DNAJC15: variants seen among roughly 807,000 people sequenced by gnomAD.
DNAJC15 encodes the protein dnaJ homolog subfamily C member 15.
A neutral mutation model predicts 22.4 loss-of-function variants in DNAJC15; 27 were observed. That is an observed-to-expected ratio of 1.20 (90% confidence interval 0.89 to 1.66). The LOEUF (loss-of-function observed/expected upper bound fraction) is 1.66, where lower values mean the gene tolerates loss of function less well. DNAJC15 is among the 40% of genes most tolerant of loss of function. The pLI, the probability that DNAJC15 is intolerant of heterozygous loss-of-function variation, is 0.00. For synonymous variants in DNAJC15, 79 were observed against 63.2 expected, an observed-to-expected ratio of 1.25 and a Z score of -1.19; for missense variants, 208 against 187.1, an observed-to-expected ratio of 1.11 and a Z score of -0.65.
intron 1 of DNAJC15, among the ~76,000 whole-genome samples, chr13:43,031,011 T>C (rs1468243430): frequency 6.6e-6 from 1 of 152,142 alleles, no homozygotes; most frequent in Non-Finnish European, 1.5e-5. Flanking sequence ...TGAGCTAAGT[T>C]AAAAAGATAA....
intron 1 of DNAJC15, among the ~76,000 whole-genome samples, chr13:43,053,700 A>G (rs1431234087): frequency 6.6e-6 from 1 of 151,906 alleles, no homozygotes; most frequent in Non-Finnish European, 1.5e-5. Context: ...TGAGTTCTTG[A>G]TTTGATTCTC....
chr13:43,081,978 G>T (rs146327482), intron 4 of DNAJC15, among the ~76,000 whole-genome samples: 1 of 151,972 alleles, frequency 6.6e-6, no homozygotes, highest in African/African-American at 2.4e-5. Context: ...TAGGGGAATT[G>T]CCCTTTATAA....
chr13:43,072,827 T>C (rs781701860), intron 3 of DNAJC15, among the ~76,000 whole-genome samples: 4 of 152,136 alleles, frequency 2.6e-5, no homozygotes, highest in Non-Finnish European at 5.9e-5. Context: ...ACCTCCCAAA[T>C]TGCTGGGATT....
Position 43,111,258 on chromosome 13 carries a change from ATATC to A in DNAJC15, c.*4011_*4014del, listed in dbSNP as rs1348848595. 3 of 152,254 alleles carry A rather than the reference ATATC, an allele frequency of 2.0e-5. No individual in the cohort carries two copies. The highest frequency in any genetic ancestry group is 4.4e-5 in the Non-Finnish European group (3 of 68,048). 9.4% of individuals were successfully genotyped at this position (152,254 alleles called of 1,614,324 possible). A position where few individuals can be genotyped will look rare whatever the true frequency, so the allele number is the denominator to read the frequency against. On this transcript the variant is annotated 3_prime_UTR_variant, in exon 6 of 6. Coordinates refer to ENST00000379221, the MANE Select transcript of DNAJC15 (RefSeq NM_013238.3). ...ATTCAGCAAATATTGAATACTTACT[ATATC>A]AGGCAGTAAAGATATAAATTCATTC...
chr13:43,024,336 C>CGTT lies in DNAJC15; in HGVS notation c.108+603_108+605dup, dbSNP rs2040368537. Among the ~76,000 whole-genome samples, 7 of 93,926 alleles carry CGTT rather than the reference C, an allele frequency of 7.5e-5. No homozygotes were observed. In the South Asian group the frequency reaches 3.2e-3, roughly 43 times the overall value. 61.6% of individuals were successfully genotyped at this position (93,926 alleles called of 152,430 possible). A position where few individuals can be genotyped will look rare whatever the true frequency, so the allele number is the denominator to read the frequency against. ...ATTGTGAGCCACATACGTATTTTTACGTTTTTTTTTTTTTTTTTTTTTTTT... is the reference window on the plus strand; with the variant it reads ...ATTGTGAGCCACATACGTATTTTTACGTTGTTTTTTTTTTTTTTTTTTTTTTTT... On this transcript the variant is annotated intron_variant, in intron 1 of 5. Transcript: ENST00000379221.
chr13:43,034,526 A>G (rs1274107395), intron 1 of DNAJC15, among the ~76,000 whole-genome samples: 1 of 151,736 alleles, frequency 6.6e-6, no homozygotes, highest in African/African-American at 2.4e-5. Flanking sequence ...CGTGTTAGCC[A>G]GGATGGTCTT....
At chr13:43,065,553 T>G (rs1189667266) in intron 1 of DNAJC15, 133 bp from the exon 2 acceptor site, 3 of 681,738 alleles carry the variant, frequency 4.4e-6, no homozygotes, top group African/African-American at 1.8e-5. Context: ...CATATTTTTT[T>G]AAGTCCTGAT....
chr13:43,082,017 C>G (rs970683071), intron 4 of DNAJC15, among the ~76,000 whole-genome samples: 2 of 152,078 alleles, frequency 1.3e-5, no homozygotes, highest in African/African-American at 4.8e-5. Flanking sequence ...GACTTAGTCA[C>G]TATCATGAGA....
intron 5 of DNAJC15, among the ~76,000 whole-genome samples, chr13:43,094,345 G>T (rs1271751216): frequency 6.6e-6 from 1 of 152,204 alleles, no homozygotes; most frequent in Non-Finnish European, 1.5e-5. Context: ...CTGGGCAATT[G>T]TTAGACATGC....
At chr13:43,066,370 C>T (rs928782793) in intron 2 of DNAJC15, among the ~76,000 whole-genome samples, 2 of 151,942 alleles carry the variant, frequency 1.3e-5, no homozygotes, top group African/African-American at 4.8e-5. Flanking sequence ...CTCATGGACC[C>T]TTCCTCCATT....
chr13:43,064,161 C>G (rs1168555992), intron 1 of DNAJC15, among the ~76,000 whole-genome samples: 2 of 152,172 alleles, frequency 1.3e-5, no homozygotes, highest in Admixed American at 1.3e-4. Context: ...AAAACTGGAA[C>G]TGATGAGGGG....
intron 1 of DNAJC15, among the ~76,000 whole-genome samples, chr13:43,027,382 C>T (rs890277858): frequency 6.6e-6 from 1 of 152,110 alleles, no homozygotes; most frequent in African/African-American, 2.4e-5. Context: ...AGCTATTCTT[C>T]CTGATGCTCT....
At chr13:43,091,120 T>TCACCTAGGCTGAATCTCACTCTAGCCA (rs1284820618) in intron 5 of DNAJC15, among the ~76,000 whole-genome samples, 19 of 152,002 alleles carry the variant, frequency 1.2e-4, no homozygotes, top group Non-Finnish European at 2.2e-4. Flanking sequence ...AATCTCACTC[T>TCACCTAGGCTGAATCTCACTCTAGCCA]GTCACCTAGG....
chr13:43,037,854 G>A (rs530163418), intron 1 of DNAJC15, among the ~76,000 whole-genome samples: 15 of 152,296 alleles, frequency 9.8e-5, no homozygotes, highest in African/African-American at 3.6e-4. Context: ...TGACAAGTAA[G>A]GAGCCAAAAC....
At chr13:43,042,149 T>C (rs752545208) in intron 1 of DNAJC15, among the ~76,000 whole-genome samples, 2 of 152,222 alleles carry the variant, frequency 1.3e-5, no homozygotes, top group Non-Finnish European at 2.9e-5. Flanking sequence ...TACAGTATTG[T>C]TTTCCTATAG....
At chr13:43,087,381 T>G (rs1327189330) in intron 5 of DNAJC15, among the ~76,000 whole-genome samples, 1 of 152,186 alleles carries the variant, frequency 6.6e-6, no homozygotes, top group Non-Finnish European at 1.5e-5. Context: ...CTTCTCTCTT[T>G]GATGGAGTTG....
chr13:43,108,779 C>T lies in DNAJC15; in HGVS notation c.*1531C>T, dbSNP rs971461863. The T allele has an allele frequency of 7.2e-5, 11 of 152,136 alleles. No homozygotes were observed. Among genetic ancestry groups the T allele is most frequent in the African/African-American group, 2.7e-4 (11 of 41,426 alleles). 9.4% of individuals were successfully genotyped at this position (152,136 alleles called of 1,614,324 possible). A position where few individuals can be genotyped will look rare whatever the true frequency, so the allele number is the denominator to read the frequency against. ...AATGCCCTTTAGAGGACAGTAATCGCCCCCAGTTGAGAACCATTTCAGTAA... is the reference window on the plus strand; with the variant it reads ...AATGCCCTTTAGAGGACAGTAATCGTCCCCAGTTGAGAACCATTTCAGTAA... On this transcript the variant is annotated 3_prime_UTR_variant, in exon 6 of 6. Coordinates refer to ENST00000379221, the MANE Select transcript of DNAJC15 (RefSeq NM_013238.3).
chr13:43,037,116 G>A (rs571012741), intron 1 of DNAJC15, among the ~76,000 whole-genome samples: 20 of 152,290 alleles, frequency 1.3e-4, no homozygotes, highest in Admixed American at 7.8e-4. Context: ...GGTGCCTCCC[G>A]CTCTGCAGCC....
In DNAJC15 at chr13:43,024,893, TAA is replaced by T. The variant is rs34398144; in HGVS notation, c.108+1176_108+1177del. ...GCAACACAGGAGACCCCATCTCTGC[TAA>T]AAAAAAAAAAAAAAAATTAGCTGGG... On this transcript the variant is annotated intron_variant, in intron 1 of 5. Transcript: ENST00000379221. Among the ~76,000 whole-genome samples, 305 of 85,940 alleles carry T rather than the reference TAA, an allele frequency of 3.5e-3. 6 individuals are homozygous for T. Among genetic ancestry groups the T allele is most frequent in the African/African-American group, 6.6e-3 (143 of 21,710 alleles). The allele number at this position is 85,940 out of a possible 152,430, so 56.4% of individuals were successfully genotyped here. A position where few individuals can be genotyped will look rare whatever the true frequency, so the allele number is the denominator to read the frequency against.
Sources: gnomAD v4.1 joint callset for allele counts (sites outside exome capture counted in the v4.1 genomes callset) on GRCh38, gnomAD v4.1.1 for gene constraint, MANE v1.5 for transcripts, NCBI Gene and HGNC (gene_info 2026-07-23, HGNC 2026-07-21) for gene names.